FBXL13: variants seen among roughly 807,000 people sequenced by gnomAD.
FBXL13 encodes the protein F-box and leucine rich repeat protein 13.
A neutral mutation model predicts 83.6 loss-of-function variants in FBXL13; 67 were observed. The observed-to-expected ratio is 0.80, with a 90% CI of 0.66 to 0.98. FBXL13 has a LOEUF of 0.98. Ranked by LOEUF, FBXL13 falls within the 50% of genes least tolerant of loss-of-function variation. The pLI is 0.00. For missense variants in FBXL13, 822 were observed against 866.5 expected, an observed-to-expected ratio of 0.95 and a Z score of 0.64; for synonymous variants, 272 against 299.5, an observed-to-expected ratio of 0.91 and a Z score of 0.95.
At chr7:102,944,075 AGAAAG>A in intron 8 of FBXL13, 1 of 685,244 alleles carries the variant, frequency 1.5e-6, no homozygotes, top group Non-Finnish European at 2.3e-6. Flanking sequence ...TCTGAGAAAA[AGAAAG>A]GAAAAGAAAT....
chr7:102,967,515 T>C lies in FBXL13; in HGVS notation c.591+507A>G, dbSNP rs182282251. ...CTCAAACTCCTGACCTCAGGTGATC[T>C]GCCCACCTTGACCTTCCAAAGTGCT... On this transcript the variant is annotated intron_variant, in intron 7 of 19. Transcript: ENST00000313221. Among the ~76,000 whole-genome samples the C allele has an allele frequency of 3.7e-3, 566 of 152,322 alleles. 5 individuals carry two copies. Among genetic ancestry groups the C allele is most frequent in the African/African-American group, 0.013 (559 of 41,582 alleles).
intron 10 of FBXL13, among the ~76,000 whole-genome samples, chr7:102,920,957 G>GT (rs1584943791): frequency 6.6e-6 from 1 of 151,996 alleles, no homozygotes; most frequent in Non-Finnish European, 1.5e-5. Context: ...TTCGAGACCG[G>GT]CCTGGCCAAC....
chr7:102,914,638 C>A (rs1278416760), intron 10 of FBXL13, among the ~76,000 whole-genome samples: 1 of 152,180 alleles, frequency 6.6e-6, no homozygotes, highest in Admixed American at 6.5e-5. Flanking sequence ...TAATGATTTG[C>A]ATGCCATAGC....
At chr7:102,897,530 G>GGGCC (rs1812407025) in intron 11 of FBXL13, among the ~76,000 whole-genome samples, 1 of 152,018 alleles carries the variant, frequency 6.6e-6, no homozygotes, top group Non-Finnish European at 1.5e-5. Context: ...AACAAGAGAG[G>GGGCC]GGCCCTGCAC....
At chr7:102,884,509 T>G (rs938736256) in intron 11 of FBXL13, among the ~76,000 whole-genome samples, 197 bp from the exon 13 acceptor site, 17 of 152,164 alleles carry the variant, frequency 1.1e-4, no homozygotes, top group Non-Finnish European at 2.9e-5. Flanking sequence ...AAAATTTATA[T>G]AACATAAAAT....
At chr7:102,906,184 C>T (rs1813723438) in intron 11 of FBXL13, among the ~76,000 whole-genome samples, 1 of 152,160 alleles carries the variant, frequency 6.6e-6, no homozygotes, top group South Asian at 2.1e-4. Context: ...AATTACCTCC[C>T]ACAACACATG....
chr7:102,822,222 T>G lies in FBXL13; in HGVS notation c.1855-19A>C. ...CAGTAATCTGAACACAGAGCCAAAG[T>G]AAGTACTGGTTATTCAAACACTATC... On this transcript the variant is annotated intron_variant, in intron 18 of 19. Transcript: ENST00000313221. 6.2e-7 allele frequency: 1 copy of G among 1,612,592 alleles called. No homozygotes were observed. Among genetic ancestry groups the G allele is most frequent in the Non-Finnish European group, 8.5e-7 (1 of 1,178,936 alleles).
At chr7:102,878,677 G>A (rs540982504) in intron 14 of FBXL13, among the ~76,000 whole-genome samples, 10 of 152,176 alleles carry the variant, frequency 6.6e-5, no homozygotes, top group African/African-American at 2.4e-4. Context: ...TGTTATTTCT[G>A]TTCCTTTGTT....
At chr7:103,063,712 C>CTTTT (rs34739663) in intron 1 of FBXL13, among the ~76,000 whole-genome samples, 67 of 101,700 alleles carry the variant, frequency 6.6e-4, no homozygotes, top group African/African-American at 8.6e-4. Context: ...CAAACTTAGG[C>CTTTT]TTTTTTTTTT....
intron 8 of FBXL13, among the ~76,000 whole-genome samples, chr7:102,936,854 T>C (rs1468895782): frequency 6.6e-6 from 1 of 152,244 alleles, no homozygotes; most frequent in Non-Finnish European, 1.5e-5. Context: ...AATGTCTCTT[T>C]TTCACTGCTT....
chr7:102,945,635 G>A (rs907139065), intron 8 of FBXL13, among the ~76,000 whole-genome samples: 2 of 152,162 alleles, frequency 1.3e-5, no homozygotes, highest in African/African-American at 2.4e-5. Flanking sequence ...TTTAGACCCT[G>A]ATCCCATCAG....
chr7:102,846,265 G>T (rs150439394), intron 17 of FBXL13, among the ~76,000 whole-genome samples: 21 of 152,268 alleles, frequency 1.4e-4, no homozygotes, highest in African/African-American at 5.1e-4. Flanking sequence ...TACATGGAAA[G>T]TCTAATCCAA....
At chr7:102,886,995 G>A (rs188646552) in intron 11 of FBXL13, among the ~76,000 whole-genome samples, 1 of 152,052 alleles carries the variant, frequency 6.6e-6, no homozygotes, top group Non-Finnish European at 1.5e-5. Flanking sequence ...GATTATACTT[G>A]GATAATTTTT....
At chr7:102,915,128 T>A (rs1388791170) in intron 10 of FBXL13, among the ~76,000 whole-genome samples, 9 of 151,020 alleles carry the variant, frequency 6.0e-5, no homozygotes, top group African/African-American at 2.2e-4. Context: ...AAATATTTTT[T>A]TTTTTTTTTT....
chr7:102,820,274 G>T (rs1798617539), intron 19 of FBXL13, among the ~76,000 whole-genome samples: 1 of 152,152 alleles, frequency 6.6e-6, no homozygotes, highest in South Asian at 2.1e-4. Context: ...TAAGCATTAG[G>T]GCCAAGTCTC....
intron 10 of FBXL13, among the ~76,000 whole-genome samples, chr7:102,917,945 T>C (rs1271515528): frequency 6.6e-6 from 1 of 152,116 alleles, no homozygotes; most frequent in Non-Finnish European, 1.5e-5. Flanking sequence ...TTTTCAACTT[T>C]AGAAAACTGA....
intron 16 of FBXL13, among the ~76,000 whole-genome samples, chr7:102,875,845 G>C (rs1584738643): frequency 6.6e-6 from 1 of 152,110 alleles, no homozygotes; most frequent in South Asian, 2.1e-4. Context: ...AGGGAAGCTG[G>C]AACCACAGCA....
At chr7:102,916,900 T>TC (rs1465816364) in intron 10 of FBXL13, among the ~76,000 whole-genome samples, 1 of 152,150 alleles carries the variant, frequency 6.6e-6, no homozygotes, top group Non-Finnish European at 1.5e-5. Flanking sequence ...GATTTTTTTT[T>TC]CTCCTTTCTT....
intron 17 of FBXL13, among the ~76,000 whole-genome samples, chr7:102,840,762 T>C (rs1802788959): frequency 6.6e-6 from 1 of 152,198 alleles, no homozygotes. Flanking sequence ...TGAAATTGTA[T>C]CTATGTGACC....
Sources: gnomAD v4.1 joint callset for allele counts (sites outside exome capture counted in the v4.1 genomes callset) on GRCh38, gnomAD v4.1.1 for gene constraint, MANE v1.5 for transcripts, NCBI Gene and HGNC (gene_info 2026-07-23, HGNC 2026-07-21) for gene names.